Variants in MCOLN2 observed in about 807,000 individuals in gnomAD.
The protein encoded by MCOLN2 is mucolipin-2.
A neutral mutation model predicts 67.5 loss-of-function variants in MCOLN2; 57 were observed. The ratio of observed to expected loss-of-function variants is 0.84; its 90% CI spans 0.68 to 1.05. MCOLN2 has a LOEUF of 1.05. MCOLN2 is among the 50% of genes least tolerant of loss of function. The pLI is 0.00. For missense variants in MCOLN2, 620 were observed against 678.8 expected, an observed-to-expected ratio of 0.91 and a Z score of 0.96; for synonymous variants, 246 against 233.3, an observed-to-expected ratio of 1.05 and a Z score of -0.50.
chr1:84,947,078 C>A lies in MCOLN2; in HGVS notation c.802G>T (p.Asp268Tyr), dbSNP rs757834223. Residue 268 changes from aspartate (D) to tyrosine (Y), a missense_variant, in exon 7 of 14, where the codon GAT becomes TAT. Asp to Tyr is a radical substitution (Grantham distance 160). Transcript: ENST00000370608. ...TCTTTACATTCTTCAATTTTGGCAT[C>A]ACTGTCAAAATAGATTTTGATTTTG... is the stretch of plus-strand genomic sequence containing the variant. ...SGKIKIYFDS[D>Y]AKIEECKDLN... 20 of 1,603,370 alleles carry A rather than the reference C, an allele frequency of 1.2e-5. No homozygotes were observed. The highest frequency in any genetic ancestry group is 1.7e-5 in the Non-Finnish European group (20 of 1,170,796).
chr1:84,941,659 T>A (rs1647791732), intron 7 of MCOLN2, among the ~76,000 whole-genome samples: 1 of 152,062 alleles, frequency 6.6e-6, no homozygotes, highest in East Asian at 1.9e-4. Context: ...CTACTCTGAG[T>A]TCTTTCACAT....
At chr1:84,926,801 T>C in intron 13 of MCOLN2, 80 bp from the exon 14 acceptor site, 1 of 1,059,868 alleles carries the variant, frequency 9.4e-7, no homozygotes, top group Non-Finnish European at 1.3e-6. Context: ...ATACTCTATA[T>C]TCTAGGCCCG....
chr1:84,979,098 G>T (rs1258049741), intron 1 of MCOLN2, among the ~76,000 whole-genome samples: 1 of 152,068 alleles, frequency 6.6e-6, no homozygotes, highest in African/African-American at 2.4e-5. Context: ...GAATAAGGGT[G>T]GGTCTGCCTT....
chr1:84,936,351 T>C (rs1647427548), intron 11 of MCOLN2, among the ~76,000 whole-genome samples: 1 of 152,210 alleles, frequency 6.6e-6, no homozygotes, highest in Non-Finnish European at 1.5e-5. Flanking sequence ...TTGGAGTCAG[T>C]GAATTAAAGC....
At chr1:84,981,829 C>T (rs950090537) in intron 1 of MCOLN2, among the ~76,000 whole-genome samples, 1 of 152,052 alleles carries the variant, frequency 6.6e-6, no homozygotes, top group East Asian at 1.9e-4. Flanking sequence ...CTGTCTGTAA[C>T]ACAAAGGATA....
Position 84,952,446 on chromosome 1 carries a change from C to T in MCOLN2, c.650G>A (p.Arg217Gln), listed in dbSNP as rs760079129. 2.4e-5 allele frequency: 39 copies of T among 1,608,864 alleles called. No individual in the cohort carries two copies. In the South Asian group the frequency reaches 3.1e-4, roughly 13 times the overall value. ...GAATAACACTTTAAAATGTATTTAC[C>T]GATAAAATTCCAGTCTGAAGAATGA... is the stretch of plus-strand genomic sequence containing the variant. ...NSSFFRLEFYRLLQVEISFHL... is the reference protein window; with the variant it reads ...NSSFFRLEFYQLLQVEISFHL... The change falls in exon 5 of 14, where the codon CGG (arginine) becomes CAG (glutamine). Residue 217 changes from arginine to glutamine, a missense_variant and splice_region_variant. Transcript: ENST00000370608.
intron 2 of MCOLN2, among the ~76,000 whole-genome samples, chr1:84,963,628 T>C (rs138500753): frequency 6.6e-6 from 1 of 152,264 alleles, no homozygotes; most frequent in East Asian, 1.9e-4. Flanking sequence ...GTTCTCATGA[T>C]AGTGAGTGAG....
intron 1 of MCOLN2, among the ~76,000 whole-genome samples, chr1:84,972,331 TTA>T (rs1291135376): frequency 6.6e-6 from 1 of 152,212 alleles, no homozygotes; most frequent in African/African-American, 2.4e-5. Flanking sequence ...TATGAATTAT[TTA>T]TGTTTCATTA....
At chr1:84,993,717 G>A (rs367601712) in intron 1 of MCOLN2, among the ~76,000 whole-genome samples, 12 of 144,774 alleles carry the variant, frequency 8.3e-5, no homozygotes, top group East Asian at 4.2e-4. Flanking sequence ...TGCAAGCTCC[G>A]CCTCCCGGGT....
chr1:84,937,343 A>G (rs2102809403), intron 11 of MCOLN2: 1 of 155,216 alleles, frequency 6.4e-6, no homozygotes, highest in Non-Finnish European at 1.4e-5. Flanking sequence ...CGTTTTAGGC[A>G]GTCTCTGCCC....
rs1254790003 is a variant in MCOLN2, at chr1:84,977,404, T to C, written c.78-11696A>G. ...GGTCCTTAATTATCAATAATAACAT[T>C]GATGTAAATGGACTAAACTCTCCAA... On this transcript the variant is annotated intron_variant, in intron 1 of 13. Coordinates refer to ENST00000370608, the MANE Select transcript of MCOLN2 (RefSeq NM_153259.4). Among the ~76,000 whole-genome samples, 4 of 151,636 alleles carry C rather than the reference T, an allele frequency of 2.6e-5. No individual in the cohort carries two copies. The East Asian group carries it at 7.8e-4, about 29-fold the overall frequency.
intron 1 of MCOLN2, among the ~76,000 whole-genome samples, chr1:84,983,902 C>T (rs1330816996): frequency 6.6e-5 from 10 of 151,292 alleles, no homozygotes; most frequent in Non-Finnish European, 1.5e-4. Context: ...GTCTCGATCT[C>T]CTGACCTTAT....
rs1648806362 is a variant in MCOLN2 at position 84,956,569 on chromosome 1, C to T, written c.427G>A (p.Asp143Asn). 1 of 1,587,218 alleles carries T rather than the reference C, an allele frequency of 6.3e-7. No homozygotes were observed. Among genetic ancestry groups the T allele is most frequent in the East Asian group, 2.3e-5 (1 of 44,366 alleles). ...TAACCAAGGGTCCCCAGGGTAATGT[C>T]CTTTAGCTGATGATACTATTAAAAA... Reference protein sequence around the residue: ...FAINQYHQLKDITLGTLGYGE... With the variant: ...FAINQYHQLKNITLGTLGYGE... The change falls in exon 4 of 14, where the codon GAC (aspartate) becomes AAC (asparagine). Residue 143 changes from aspartate (D) to asparagine (N), a missense_variant. Coordinates refer to ENST00000370608, the MANE Select transcript of MCOLN2 (RefSeq NM_153259.4).
intron 1 of MCOLN2, among the ~76,000 whole-genome samples, chr1:84,993,893 G>A (rs139919035): frequency 0.014 from 2,062 of 151,860 alleles, 48 homozygotes; most frequent in African/African-American, 0.048. Flanking sequence ...GCCTCCCAAA[G>A]TGCTGGGATT....
intron 4 of MCOLN2, 58 bp downstream of exon 4, chr1:84,956,373 C>T (rs930773826): frequency 1.3e-6 from 2 of 1,555,734 alleles, no homozygotes; most frequent in African/African-American, 2.8e-5. Context: ...CACATGAGGG[C>T]ATTTCTGCTC....
chr1:84,982,723 CAACA>C (rs923221276), intron 1 of MCOLN2, among the ~76,000 whole-genome samples: 16 of 152,184 alleles, frequency 1.1e-4, no homozygotes, highest in African/African-American at 3.9e-4. Flanking sequence ...CCCCTGACCC[CAACA>C]AACAAACAGA....
rs540546215 is a variant in MCOLN2 at position 84,997,065 on chromosome 1, C to A, written c.-193G>T. 2.8e-5 allele frequency: 17 copies of A among 600,816 alleles called. No individual in the cohort carries two copies. The Admixed American group carries it at 4.8e-4, about 17-fold the overall frequency. 37.2% of individuals were successfully genotyped at this position (600,816 alleles called of 1,614,324 possible). On this transcript the variant is annotated 5_prime_UTR_variant, in exon 1 of 14. Transcript: ENST00000370608. ...CCGGCCCGAGAGCAGGCGCCGCAGT[C>A]GTGGAGTGCGGCGGGCAGTTCTCGG...
intron 3 of MCOLN2, among the ~76,000 whole-genome samples, chr1:84,956,815 C>T (rs1019289692): frequency 6.6e-6 from 1 of 152,186 alleles, no homozygotes; most frequent in African/African-American, 2.4e-5. Context: ...CCTCACTCAG[C>T]CAAAGCCAAG....
chr1:84,938,771 A>C (rs1647578998), intron 9 of MCOLN2, among the ~76,000 whole-genome samples: 1 of 152,202 alleles, frequency 6.6e-6, no homozygotes, highest in South Asian at 2.1e-4. Flanking sequence ...GCAGAGCTGG[A>C]TGATGATGAC....
Sources: allele counts gnomAD v4.1 joint callset (sites outside exome capture counted in the v4.1 genomes callset), GRCh38; gene constraint gnomAD v4.1.1; transcripts MANE v1.5; gene names NCBI Gene and HGNC (gene_info 2026-07-23, HGNC 2026-07-21).